FRMD4A: variants seen among roughly 807,000 people sequenced by gnomAD.
FRMD4A encodes the protein FERM domain containing 4A, also known as FERM domain-containing protein 4A.
In FRMD4A, 29 loss-of-function variants were observed where a neutral mutation model predicts 129.1. That is an observed-to-expected ratio of 0.22 (90% CI 0.17 to 0.31). The LOEUF (loss-of-function observed/expected upper bound fraction) is 0.31, where lower values mean the gene tolerates loss of function less well. Among genes scored for constraint, FRMD4A ranks in the 10% least tolerant of loss-of-function variants. The probability of loss-of-function intolerance (pLI) is 1.00; values close to 1 mark genes in which losing one functional copy is unlikely to be tolerated. For synonymous variants in FRMD4A, 634 were observed against 571.6 expected (o/e 1.11, Z -1.56); for missense variants, 1,272 against 1,375.8 (o/e 0.92, Z 1.19).
At chr10:13,705,946 C>A (rs370590769) in intron 13 of FRMD4A, among the ~76,000 whole-genome samples, 2 of 152,174 alleles carry the variant, frequency 1.3e-5, no homozygotes, top group African/African-American at 2.4e-5. Flanking sequence ...TCATTCCTAC[C>A]GGGTTATCAT....
At chr10:14,021,949 C>T (rs534498056) in intron 2 of FRMD4A, among the ~76,000 whole-genome samples, 3 of 151,210 alleles carry the variant, frequency 2.0e-5, no homozygotes, top group Non-Finnish European at 3.0e-5. Context: ...GAGATTTCTG[C>T]GTTTTTTTTT....
intron 2 of FRMD4A, among the ~76,000 whole-genome samples, chr10:13,865,098 C>T (rs531968332): frequency 3.4e-4 from 52 of 152,272 alleles, no homozygotes; most frequent in African/African-American, 1.1e-3. Flanking sequence ...CCTTGGCCTC[C>T]CAGACAAGCA....
At chr10:13,984,266 C>T (rs547561038) in intron 2 of FRMD4A, among the ~76,000 whole-genome samples, 16 of 152,174 alleles carry the variant, frequency 1.1e-4, no homozygotes, top group Non-Finnish European at 2.1e-4. Flanking sequence ...GAAGTTTCCC[C>T]TTGTGGCCAG....
intron 2 of FRMD4A, among the ~76,000 whole-genome samples, chr10:14,176,518 A>G (rs1215098138): frequency 8.3e-6 from 1 of 120,790 alleles, no homozygotes; most frequent in African/African-American, 3.3e-5. Context: ...TCTGTTGGCC[A>G]GGCTGGAGTG....
At chr10:14,133,548 C>T (rs1839377079) in intron 2 of FRMD4A, among the ~76,000 whole-genome samples, 1 of 152,212 alleles carries the variant, frequency 6.6e-6, no homozygotes. Context: ...TGGTGACAGT[C>T]TGAGCCTGCA....
chr10:14,020,700 G>A (rs1832705169), intron 2 of FRMD4A, among the ~76,000 whole-genome samples: 1 of 152,004 alleles, frequency 6.6e-6, no homozygotes, highest in South Asian at 2.1e-4. Flanking sequence ...GGCCATGCTA[G>A]GGAAGCCAGC....
intron 2 of FRMD4A, among the ~76,000 whole-genome samples, chr10:14,056,644 C>G (rs1280288687): frequency 6.6e-6 from 1 of 152,114 alleles, no homozygotes; most frequent in African/African-American, 2.4e-5. Context: ...CTTCTTTGGG[C>G]CTCTGTGGTG....
At chr10:14,228,226 T>C (rs1165986313) in intron 2 of FRMD4A, among the ~76,000 whole-genome samples, 3 of 152,214 alleles carry the variant, frequency 2.0e-5, no homozygotes, top group Non-Finnish European at 4.4e-5. Flanking sequence ...GGAAGACTTC[T>C]GTCATTATTC....
intron 2 of FRMD4A, among the ~76,000 whole-genome samples, chr10:13,986,843 G>C (rs1264913212): frequency 2.0e-5 from 3 of 151,966 alleles, no homozygotes; most frequent in African/African-American, 7.3e-5. Flanking sequence ...TAGACCCCTA[G>C]ATCACCAGGT....
At chr10:14,141,441 T>A (rs1188488618) in intron 2 of FRMD4A, among the ~76,000 whole-genome samples, 1 of 152,168 alleles carries the variant, frequency 6.6e-6, no homozygotes, top group African/African-American at 2.4e-5. Flanking sequence ...TATGATTTTA[T>A]ATAGGATGTA....
intron 2 of FRMD4A, among the ~76,000 whole-genome samples, chr10:13,940,681 G>T (rs1358547839): frequency 1.3e-5 from 2 of 152,182 alleles, no homozygotes; most frequent in Non-Finnish European, 2.9e-5. Context: ...AGGAATTGAG[G>T]CTGACCCGGG....
Position 13,651,924 on chromosome 10 carries a change from T to A in FRMD4A, c.3101A>T (p.His1034Leu), listed in dbSNP as rs2081639271. 6.3e-7 allele frequency: 1 copy of A among 1,586,964 alleles called. No homozygotes were observed. Among genetic ancestry groups the A allele is most frequent in the African/African-American group, 1.3e-5 (1 of 74,586 alleles). Residue 1034 changes from histidine to leucine, a missense_variant, in exon 24 of 25, where the codon CAC (histidine) becomes CTC (leucine). Physicochemically the swap from His to Leu is moderately conservative, Grantham distance 99. This residue lies in a region of FRMD4A where 972 missense variants were observed against 892.3 expected (regional missense o/e 1.09). Transcript: ENST00000357447. The part of the protein sequence containing the change: ...PILDGSESPP[H>L]QSTDE The stretch of plus-strand genomic sequence containing the variant: ...GTACCTCTATTCATCAGTACTTTGG[T>A]GAGGTGGAGACTCAGACCCATCCAG...
intron 2 of FRMD4A, among the ~76,000 whole-genome samples, chr10:13,888,540 CT>C (rs1331869071): frequency 6.6e-6 from 1 of 152,162 alleles, no homozygotes; most frequent in Non-Finnish European, 1.5e-5. Flanking sequence ...GGTAAGAGAA[CT>C]CCTGTTTTAG....
intron 15 of FRMD4A, among the ~76,000 whole-genome samples, chr10:13,680,789 G>T (rs1255353000): frequency 1.3e-5 from 2 of 151,802 alleles, no homozygotes; most frequent in African/African-American, 4.8e-5. Flanking sequence ...GCTCATACCT[G>T]TAATACTAGC....
chr10:14,124,108 G>C (rs1165114145), intron 2 of FRMD4A, among the ~76,000 whole-genome samples: 1 of 152,126 alleles, frequency 6.6e-6, no homozygotes, highest in African/African-American at 2.4e-5. Context: ...ACTGTCCTGA[G>C]CAGGTGTTAC....
chr10:13,905,865 G>A (rs923291695), intron 2 of FRMD4A, among the ~76,000 whole-genome samples: 1 of 152,248 alleles, frequency 6.6e-6, no homozygotes, highest in Non-Finnish European at 1.5e-5. Flanking sequence ...GGCTTGCAGT[G>A]CGAAGTCTCA....
chr10:14,159,363 T>C (rs574877599), intron 2 of FRMD4A, among the ~76,000 whole-genome samples: 227 of 152,180 alleles, frequency 1.5e-3, no homozygotes, highest in Non-Finnish European at 2.4e-3. Context: ...GAAATCTCAC[T>C]TACAATTGCT....
chr10:14,185,537 A>G lies in FRMD4A; in HGVS notation c.45+144521T>C, dbSNP rs112070199. On this transcript the variant is annotated intron_variant, in intron 2 of 24. Coordinates refer to ENST00000357447, the MANE Select transcript of FRMD4A (RefSeq NM_018027.5). ...GGAGGTTTGTTGTAGAACTATGGAA[A>G]CTTGAAACATAAAGCAAGACTATTT... is the stretch of plus-strand genomic sequence containing the variant. Among the ~76,000 whole-genome samples, 1,486 of 151,508 alleles carry G rather than the reference A, an allele frequency of 9.8e-3. 13 individuals carry two copies. Among genetic ancestry groups the G allele is most frequent in the Non-Finnish European group, 0.013 (888 of 68,012 alleles).
At chr10:14,218,947 C>T (rs1463428576) in intron 2 of FRMD4A, among the ~76,000 whole-genome samples, 1 of 83,062 alleles carries the variant, frequency 1.2e-5, no homozygotes, top group Non-Finnish European at 2.0e-5. Context: ...AAGAGTGAGA[C>T]TTCATCTCAA....
Sources: gnomAD v4.1 joint callset for allele counts (sites outside exome capture counted in the v4.1 genomes callset) on GRCh38, gnomAD v4.1.1 for gene constraint, gnomAD v4.1.1 regional missense constraint, MANE v1.5 for transcripts, NCBI Gene and HGNC (gene_info 2026-07-23, HGNC 2026-07-21) for gene names.